The following HECW1 variants were observed in gnomAD, a reference collection of about 807,000 sequenced individuals.
The protein encoded by HECW1 is E3 ubiquitin-protein ligase HECW1.
A neutral mutation model predicts 182.3 loss-of-function variants in HECW1; 61 were observed. That is an observed-to-expected ratio of 0.33 (90% CI 0.27 to 0.41). The LOEUF is 0.41. Among genes scored for constraint, HECW1 ranks in the 10% least tolerant of loss-of-function variants. HECW1 has a pLI of 1.00. For missense variants in HECW1, 1,739 were observed against 2,108.9 expected (o/e 0.82, Z 3.44); for synonymous variants, 859 against 832.6 (o/e 1.03, Z -0.55).
At chr7:43,255,919 G>T (rs1023273190) in intron 3 of HECW1, among the ~76,000 whole-genome samples, 8 of 152,192 alleles carry the variant, frequency 5.3e-5, no homozygotes. Context: ...GAGAAGGAAG[G>T]ATTTCTTTTC....
At chr7:43,172,204 G>A (rs1286333936) in intron 2 of HECW1, among the ~76,000 whole-genome samples, 1 of 151,840 alleles carries the variant, frequency 6.6e-6, no homozygotes. Flanking sequence ...TAAGGCACGA[G>A]AATCACTTGA....
chr7:43,286,561 G>A (rs1193539968), intron 3 of HECW1, among the ~76,000 whole-genome samples: 1 of 152,130 alleles, frequency 6.6e-6, no homozygotes, highest in Admixed American at 6.5e-5. Context: ...CAAATGATAA[G>A]CTCTCAAAAA....
chr7:43,463,559 A>G, intron 13 of HECW1, 101 bp from the exon 14 acceptor site: 1 of 1,127,880 alleles, frequency 8.9e-7, no homozygotes, highest in Non-Finnish European at 1.3e-6. Context: ...CTGACATTCA[A>G]GACAATTCTT....
rs368523352 is a variant in HECW1, at chr7:43,216,128, TTTTG to T, written c.-31-27731_-31-27728del. Among the ~76,000 whole-genome samples the T allele has an allele frequency of 1.4e-4, 21 of 152,108 alleles. No homozygotes were observed. The East Asian group carries it at 1.9e-3, about 14-fold the overall frequency. On this transcript the variant is annotated intron_variant, in intron 2 of 29. Transcript: ENST00000395891. The stretch of plus-strand genomic sequence containing the variant: ...CTGAGTCTGGTGAGATGAAGCAGGT[TTTTG>T]TTTGTTTGTTTGTTTTTGTTTTTGT...
chr7:43,141,118 A>G (rs1038647520), intron 2 of HECW1, among the ~76,000 whole-genome samples: 3 of 152,218 alleles, frequency 2.0e-5, no homozygotes, highest in Non-Finnish European at 4.4e-5. Flanking sequence ...TGGTATGGAG[A>G]AAGCTGACCA....
chr7:43,345,837 A>G (rs1423076511), intron 5 of HECW1, among the ~76,000 whole-genome samples: 1 of 142,652 alleles, frequency 7.0e-6, no homozygotes, highest in Non-Finnish European at 1.6e-5. Flanking sequence ...CATCATATAT[A>G]TATACACACA....
At chr7:43,135,415 C>T (rs1411069783) in intron 2 of HECW1, among the ~76,000 whole-genome samples, 2 of 152,092 alleles carry the variant, frequency 1.3e-5, no homozygotes, top group Admixed American at 6.5e-5. Flanking sequence ...GAGGGCCACA[C>T]ACTAAATTTG....
chr7:43,278,464 C>T (rs1421036515), intron 3 of HECW1, among the ~76,000 whole-genome samples: 1 of 152,148 alleles, frequency 6.6e-6, no homozygotes, highest in Non-Finnish European at 1.5e-5. Flanking sequence ...TCCTCCTGTT[C>T]CCACCCATGC....
chr7:43,535,470 C>T (rs866141456), intron 24 of HECW1, among the ~76,000 whole-genome samples: 5 of 152,146 alleles, frequency 3.3e-5, no homozygotes, highest in South Asian at 2.1e-4. Flanking sequence ...CTGATGTGCG[C>T]GCACCAAGAG....
chr7:43,399,197 TGTC>T (rs1223285453), intron 7 of HECW1, among the ~76,000 whole-genome samples: 1 of 152,218 alleles, frequency 6.6e-6, no homozygotes, highest in Non-Finnish European at 1.5e-5. Flanking sequence ...GAGCTGCTGT[TGTC>T]TTTGTTTCAA....
At chr7:43,449,280 C>T (rs1015885859) in intron 11 of HECW1, among the ~76,000 whole-genome samples, 7 of 152,188 alleles carry the variant, frequency 4.6e-5, no homozygotes, top group Non-Finnish European at 1.0e-4. Flanking sequence ...TTTGGAACAG[C>T]AGTCTGTCCA....
chr7:43,117,113 G>A (rs933584436), intron 2 of HECW1, among the ~76,000 whole-genome samples: 2 of 152,104 alleles, frequency 1.3e-5, no homozygotes, highest in African/African-American at 2.4e-5. Flanking sequence ...GGAAAGATTT[G>A]TGGCATTTCT....
In HECW1 at chr7:43,554,579, T is replaced by C. The variant is rs1364839010; in HGVS notation, c.4511-13T>C. Reference sequence around the variant, plus strand: ...CCACATCCTGTCTTCCTCCCTCCCTTTGCCTCGTGCAGGTTACCACGATGG... The same window carrying C: ...CCACATCCTGTCTTCCTCCCTCCCTCTGCCTCGTGCAGGTTACCACGATGG... On this transcript the variant is annotated splice_polypyrimidine_tract_variant and intron_variant, in intron 28 of 29. Transcript: ENST00000395891. 1.2e-6 allele frequency: 2 copies of C among 1,607,614 alleles called. No homozygotes were observed. The highest frequency in any genetic ancestry group is 1.7e-5 in the Admixed American group (1 of 59,516).
At chr7:43,158,634 A>C (rs907048325) in intron 2 of HECW1, among the ~76,000 whole-genome samples, 1 of 152,158 alleles carries the variant, frequency 6.6e-6, no homozygotes, top group African/African-American at 2.4e-5. Flanking sequence ...CAATGAGGGC[A>C]TGTGCCACAC....
chr7:43,293,900 C>A (rs761099011), intron 3 of HECW1, among the ~76,000 whole-genome samples: 2 of 151,998 alleles, frequency 1.3e-5, no homozygotes, highest in Non-Finnish European at 2.9e-5. Context: ...AGACAAGCAG[C>A]GACATTAGAT....
intron 2 of HECW1, among the ~76,000 whole-genome samples, chr7:43,199,236 GT>G (rs927281758): frequency 6.6e-6 from 1 of 152,184 alleles, no homozygotes; most frequent in African/African-American, 2.4e-5. Flanking sequence ...CAACTCACGA[GT>G]TTTGCACTTT....
At chr7:43,116,560 G>A (rs1477655458) in intron 2 of HECW1, among the ~76,000 whole-genome samples, 1 of 152,192 alleles carries the variant, frequency 6.6e-6, no homozygotes, top group African/African-American at 2.4e-5. Flanking sequence ...GCTTGACTGA[G>A]TCTCCCAATG....
At chr7:43,293,899 G>A (rs773913345) in intron 3 of HECW1, among the ~76,000 whole-genome samples, 2 of 152,046 alleles carry the variant, frequency 1.3e-5, no homozygotes, top group Non-Finnish European at 2.9e-5. Context: ...CAGACAAGCA[G>A]CGACATTAGA....
At chr7:43,489,653 G>C (rs2078854617) in intron 17 of HECW1, among the ~76,000 whole-genome samples, 1 of 152,196 alleles carries the variant, frequency 6.6e-6, no homozygotes, top group Non-Finnish European at 1.5e-5. Flanking sequence ...GAAAACAGAT[G>C]CATCTGCATC....
Sources: gnomAD v4.1 joint callset for allele counts (sites outside exome capture counted in the v4.1 genomes callset) on GRCh38, gnomAD v4.1.1 for gene constraint, MANE v1.5 for transcripts, NCBI Gene and HGNC (gene_info 2026-07-23, HGNC 2026-07-21) for gene names.